The following TVP23A variants were observed in gnomAD, a reference collection of about 807,000 sequenced individuals.
TVP23A encodes the protein trans-golgi network vesicle protein 23 homolog A.
A neutral mutation model predicts 31.7 loss-of-function variants in TVP23A; 21 were observed. That is an observed-to-expected ratio of 0.66 (90% CI 0.47 to 0.95). The LOEUF (loss-of-function observed/expected upper bound fraction) is 0.95, where lower values mean the gene tolerates loss of function less well. TVP23A is among the 40% of genes least tolerant of loss of function. The probability of loss-of-function intolerance (pLI) is 0.00; values close to 1 mark genes in which losing one functional copy is unlikely to be tolerated. For missense variants in TVP23A, 279 were observed against 255.6 expected, an observed-to-expected ratio of 1.09 and a Z score of -0.62; for synonymous variants, 104 against 96.0, an observed-to-expected ratio of 1.08 and a Z score of -0.49.
chr16:10,780,398 C>T (rs748347338), intron 2 of TVP23A, among the ~76,000 whole-genome samples: 25 of 152,126 alleles, frequency 1.6e-4, no homozygotes, highest in Non-Finnish European at 3.4e-4. Context: ...TGTCATACTT[C>T]AAGGACCAGG....
At chr16:10,782,980 C>T (rs1045857019) in intron 2 of TVP23A, among the ~76,000 whole-genome samples, 3 of 152,266 alleles carry the variant, frequency 2.0e-5, no homozygotes, top group South Asian at 2.1e-4. Context: ...ACCTGCTCCC[C>T]AAACCCACAC....
chr16:10,817,366 C>G lies in TVP23A; in HGVS notation c.89+737G>C, dbSNP rs565526901. On this transcript the variant is annotated intron_variant, in intron 2 of 7. Coordinates refer to ENST00000299866, the MANE Select transcript of TVP23A (RefSeq NM_001079512.4). ...GGTGCCAGGGCTCGTCCCATGCCTACTGGCTCTGATAGCTGGAAGCAGAAC... is the reference window on the plus strand; with the variant it reads ...GGTGCCAGGGCTCGTCCCATGCCTAGTGGCTCTGATAGCTGGAAGCAGAAC... Among the ~76,000 whole-genome samples the G allele has an allele frequency of 2.0e-5, 3 of 152,334 alleles. No individual in the cohort carries two copies. In the East Asian group the frequency reaches 5.8e-4, roughly 29 times the overall value.
intron 2 of TVP23A, among the ~76,000 whole-genome samples, chr16:10,803,745 G>A (rs2033818373): frequency 6.6e-6 from 1 of 152,132 alleles, no homozygotes; most frequent in Non-Finnish European, 1.5e-5. Context: ...GGACACAACA[G>A]CTGACCATCA....
chr16:10,770,219 A>AT (rs2031470935), intron 7 of TVP23A, 53 bp downstream of exon 7: 9 of 1,544,696 alleles, frequency 5.8e-6, no homozygotes, highest in Non-Finnish European at 7.9e-6. Context: ...CAAGAGCTGC[A>AT]TTTTTCAGAA....
At chr16:10,791,049 G>A (rs184622331) in intron 2 of TVP23A, among the ~76,000 whole-genome samples, 13 of 152,196 alleles carry the variant, frequency 8.5e-5, no homozygotes, top group Non-Finnish European at 1.5e-4. Flanking sequence ...TGGTTGGGGG[G>A]CTTAGACTTT....
intron 2 of TVP23A, among the ~76,000 whole-genome samples, chr16:10,802,605 C>T (rs1051783018): frequency 7.2e-5 from 11 of 152,048 alleles, no homozygotes; most frequent in African/African-American, 2.7e-4. Context: ...GTAAAATGTA[C>T]CCATCAGTTC....
intron 2 of TVP23A, among the ~76,000 whole-genome samples, chr16:10,794,171 G>T (rs147535106): frequency 6.6e-6 from 1 of 152,220 alleles, no homozygotes; most frequent in African/African-American, 2.4e-5. Flanking sequence ...CCTCACGGCC[G>T]AATCATCACT....
intron 2 of TVP23A, among the ~76,000 whole-genome samples, chr16:10,806,873 G>A (rs1199184129): frequency 6.6e-6 from 1 of 152,234 alleles, no homozygotes; most frequent in Non-Finnish European, 1.5e-5. Context: ...ATAAGAGGAA[G>A]TTAAGCTGCC....
chr16:10,766,718 C>G lies in TVP23A; in HGVS notation c.*2384G>C, dbSNP rs2142829350. 1 of 389,050 alleles carries G rather than the reference C, an allele frequency of 2.6e-6. No individual in the cohort carries two copies. The highest frequency in any genetic ancestry group is 2.1e-5 in the African/African-American group (1 of 48,546). 24.1% of individuals were successfully genotyped at this position (389,050 alleles called of 1,614,324 possible). A position where few individuals can be genotyped will look rare whatever the true frequency, so the allele number is the denominator to read the frequency against. On this transcript the variant is annotated 3_prime_UTR_variant, in exon 8 of 8. Coordinates refer to ENST00000299866, the MANE Select transcript of TVP23A (RefSeq NM_001079512.4). This position sits in a 1 kb window ranked among gnomAD's most constrained non-coding sequence, Gnocchi z 4.8. The stretch of plus-strand genomic sequence containing the variant: ...GATTTATTGAAAATGAAAGTCAACT[C>G]CACGGTGTGGGAGGAGAACGGGCCT...
intron 2 of TVP23A, among the ~76,000 whole-genome samples, chr16:10,810,582 A>C (rs891931067): frequency 6.6e-6 from 1 of 151,900 alleles, no homozygotes; most frequent in Non-Finnish European, 1.5e-5. Context: ...GAAAAGAAAA[A>C]AGAAGGCCCT....
Position 10,766,953 on chromosome 16 carries a change from G to T in TVP23A, c.*2149C>A. 1 of 398,662 alleles carries T rather than the reference G, an allele frequency of 2.5e-6. No individual in the cohort carries two copies. Among genetic ancestry groups the T allele is most frequent in the Non-Finnish European group, 4.4e-6 (1 of 226,122 alleles). 24.7% of individuals were successfully genotyped at this position (398,662 alleles called of 1,614,324 possible). On this transcript the variant is annotated 3_prime_UTR_variant, in exon 8 of 8. Transcript: ENST00000299866. The surrounding 1 kb of genome is among the most constrained non-coding windows in gnomAD (Gnocchi z 4.8). ...GGACCCTATTTTCCTGACTCACTGG[G>T]CCATATGGGCTCCCCATCTCCCACC...
chr16:10,805,593 T>C (rs1206743126), intron 2 of TVP23A, among the ~76,000 whole-genome samples: 2 of 150,400 alleles, frequency 1.3e-5, no homozygotes, highest in East Asian at 3.9e-4. Context: ...CAGGGGGCCA[T>C]GGAACCCCCG....
downstream of TVP23A, among the ~76,000 whole-genome samples, chr16:10,759,362 C>G (rs1900787017): frequency 6.6e-6 from 1 of 152,180 alleles, no homozygotes. This position sits in a 1 kb window ranked among gnomAD's most constrained non-coding sequence, Gnocchi z 4.7. Flanking sequence ...CATGGGGACG[C>G]AAGGAGGAGC....
chr16:10,817,801 T>C (rs752063486), intron 2 of TVP23A, among the ~76,000 whole-genome samples: 22 of 152,212 alleles, frequency 1.4e-4, no homozygotes, highest in Non-Finnish European at 2.4e-4. Flanking sequence ...CCTCCATGGC[T>C]GCACTAAGGC....
intron 2 of TVP23A, among the ~76,000 whole-genome samples, chr16:10,796,692 A>C (rs1596546101): frequency 6.6e-6 from 1 of 151,882 alleles, no homozygotes; most frequent in South Asian, 2.1e-4. Context: ...CCCGCCTCAG[A>C]CTCCCAAAGT....
intron 2 of TVP23A, among the ~76,000 whole-genome samples, chr16:10,787,729 CCT>C (rs1298195606): frequency 6.6e-6 from 1 of 151,986 alleles, no homozygotes; most frequent in Non-Finnish European, 1.5e-5. Flanking sequence ...GAGCTGTTCT[CCT>C]CTCTCTTTCT....
chr16:10,758,175 CGT>C, downstream of TVP23A: 2 of 919,114 alleles, frequency 2.2e-6, no homozygotes, highest in East Asian at 2.7e-5. Context: ...GCAGAAACCT[CGT>C]GTTAAAAACT....
chr16:10,800,404 G>A (rs892702061), intron 2 of TVP23A: 4 of 152,086 alleles, frequency 2.6e-5, no homozygotes, highest in African/African-American at 9.7e-5. Flanking sequence ...TAATATTTCT[G>A]GAACCAGGGT....
chr16:10,759,391 C>G (rs531437069), downstream of TVP23A, among the ~76,000 whole-genome samples: 4 of 152,340 alleles, frequency 2.6e-5, no homozygotes, highest in South Asian at 8.3e-4. This position sits in a 1 kb window ranked among gnomAD's most constrained non-coding sequence, Gnocchi z 4.7. Context: ...AGCTGGGACC[C>G]TGGACAGGAG....
Sources: allele counts gnomAD v4.1 joint callset (sites outside exome capture counted in the v4.1 genomes callset), GRCh38; gene constraint gnomAD v4.1.1; non-coding constraint Gnocchi (gnomAD v3.1); transcripts MANE v1.5; gene names NCBI Gene and HGNC (gene_info 2026-07-23, HGNC 2026-07-21).